PLCB4: variants seen among roughly 807,000 people sequenced by gnomAD.
The protein encoded by PLCB4 is 1-phosphatidylinositol 4,5-bisphosphate phosphodiesterase beta-4.
In PLCB4, 77 loss-of-function variants were observed where a neutral mutation model predicts 178.8. That is an observed-to-expected ratio of 0.43 (90% CI 0.36 to 0.52). The LOEUF is 0.52. Among genes scored for constraint, PLCB4 ranks in the 20% least tolerant of loss-of-function variants. The pLI is 0.00. For missense variants in PLCB4, 1,024 were observed against 1,453.4 expected (o/e 0.70, Z 4.80); for synonymous variants, 496 against 490.8 (o/e 1.01, Z -0.14).
chr20:9,266,251 T>A (rs2094347931), intron 3 of PLCB4, among the ~76,000 whole-genome samples: 1 of 152,152 alleles, frequency 6.6e-6, no homozygotes, highest in Non-Finnish European at 1.5e-5. Context: ...AGAATCTGCT[T>A]TTTTTTGTTG....
chr20:9,388,697 G>A (rs2037885556), intron 15 of PLCB4, among the ~76,000 whole-genome samples: 1 of 152,148 alleles, frequency 6.6e-6, no homozygotes, highest in South Asian at 2.1e-4. Context: ...CAGCAACAGA[G>A]CGAGACTCTG....
intron 35 of PLCB4, 30 bp downstream of exon 35, chr20:9,459,840 A>T (rs748095506): frequency 6.7e-7 from 1 of 1,501,068 alleles, no homozygotes; most frequent in East Asian, 2.3e-5. Context: ...CAGAGTAAAC[A>T]TCTAATATTT....
chr20:9,376,074 C>T (rs1198137341), intron 12 of PLCB4, among the ~76,000 whole-genome samples: 1 of 151,910 alleles, frequency 6.6e-6, no homozygotes, highest in East Asian at 1.9e-4. Context: ...GTAGGGTGAC[C>T]TCCTCCCTAT....
chr20:9,074,251 G>T (rs1308506818), intron 1 of PLCB4, among the ~76,000 whole-genome samples: 1 of 152,170 alleles, frequency 6.6e-6, no homozygotes, highest in African/African-American at 2.4e-5. Flanking sequence ...CACTGTGAAT[G>T]ATACAGGGTA....
At chr20:9,397,087 T>C (rs546249030) in intron 19 of PLCB4, among the ~76,000 whole-genome samples, 1 of 152,332 alleles carries the variant, frequency 6.6e-6, no homozygotes, top group East Asian at 1.9e-4. Flanking sequence ...CTTTCAAAAT[T>C]GAAGCCAATC....
intron 1 of PLCB4, among the ~76,000 whole-genome samples, chr20:9,076,236 G>T (rs1346798724): frequency 6.6e-6 from 1 of 152,126 alleles, no homozygotes; most frequent in Non-Finnish European, 1.5e-5. Flanking sequence ...GGAGGCCGAG[G>T]TAGGTGGGTC....
At chr20:9,421,216 A>G (rs2148567463) in intron 26 of PLCB4, 81 bp from the exon 27 acceptor site, 2 of 1,104,562 alleles carry the variant, frequency 1.8e-6, no homozygotes, top group South Asian at 3.5e-5. Flanking sequence ...AAAAGACAGA[A>G]TTTCTTACTT....
intron 30 of PLCB4, among the ~76,000 whole-genome samples, chr20:9,438,163 G>A (rs2041890882): frequency 6.6e-6 from 1 of 151,942 alleles, no homozygotes; most frequent in Non-Finnish European, 1.5e-5. Context: ...TCAGGAGATC[G>A]AGACCATCCT....
chr20:9,274,295 C>G (rs1296417048), intron 3 of PLCB4, among the ~76,000 whole-genome samples: 2 of 152,018 alleles, frequency 1.3e-5, no homozygotes, highest in African/African-American at 4.8e-5. Flanking sequence ...CTTGAGTTTA[C>G]ACTACTTGTG....
intron 38 of PLCB4, among the ~76,000 whole-genome samples, chr20:9,476,067 C>G (rs2044521136): frequency 6.6e-6 from 1 of 152,168 alleles, no homozygotes. Context: ...ATCGGTGTCC[C>G]AAATCTCCCC....
chr20:9,301,065 T>C lies in PLCB4; in HGVS notation c.-15-6735T>C, dbSNP rs1472406116. Among the ~76,000 whole-genome samples the C allele has an allele frequency of 3.3e-5, 5 of 151,582 alleles. No homozygotes were observed. In the South Asian group the frequency reaches 1.0e-3, roughly 32 times the overall value. ...TGGCTACATCACTCTAATCTCTGCC[T>C]CCGTAGTCGCATTTCCTCCTCCTCT... On this transcript the variant is annotated intron_variant, in intron 3 of 39. Coordinates refer to ENST00000378473, the MANE Select transcript of PLCB4 (RefSeq NM_001377142.1).
intron 7 of PLCB4, among the ~76,000 whole-genome samples, chr20:9,355,967 T>G (rs1486155346): frequency 6.6e-6 from 1 of 152,208 alleles, no homozygotes; most frequent in Non-Finnish European, 1.5e-5. Flanking sequence ...TGTTGTTTCC[T>G]GACTGTTTAA....
chr20:9,468,550 T>C, intron 35 of PLCB4, 21 bp from the exon 36 acceptor site: 1 of 1,478,364 alleles, frequency 6.8e-7, no homozygotes, highest in Non-Finnish European at 9.5e-7. Flanking sequence ...CCCTGTTTGT[T>C]TTCTTGTTTT....
Position 9,478,960 on chromosome 20 carries a change from A to T in PLCB4, c.3572A>T (p.Asp1191Val). ...DAADGEIGSRDGPQTSNSSMK... is the reference protein window; with the variant it reads ...DAADGEIGSRVGPQTSNSSMK... ...GCAGATGGTGAAATTGGAAGCCGAG[A>T]TGGACCGCAGACCAGCAACAGTAGT... Residue 1191 changes from aspartate to valine, a missense_variant, in exon 40 of 40, where the codon GAT becomes GTT. Asp to Val is a radical substitution (Grantham distance 152). Coordinates refer to ENST00000378473, the MANE Select transcript of PLCB4 (RefSeq NM_001377142.1). 2 of 1,613,778 alleles carry T rather than the reference A, an allele frequency of 1.2e-6. No individual in the cohort carries two copies. Among genetic ancestry groups the T allele is most frequent in the Non-Finnish European group, 1.7e-6 (2 of 1,179,722 alleles).
intron 2 of PLCB4, among the ~76,000 whole-genome samples, chr20:9,193,811 A>C (rs545470133): frequency 1.3e-5 from 2 of 152,302 alleles, no homozygotes; most frequent in Non-Finnish European, 2.9e-5. Flanking sequence ...ACTTTCAGAG[A>C]GTATTTGGCT....
chr20:9,467,313 G>A (rs1603046095), intron 35 of PLCB4, among the ~76,000 whole-genome samples: 1 of 152,148 alleles, frequency 6.6e-6, no homozygotes, highest in East Asian at 1.9e-4. Flanking sequence ...AGCATTAGGA[G>A]AAATGTCTAA....
At chr20:9,086,890 A>G (rs751249258) in intron 1 of PLCB4, among the ~76,000 whole-genome samples, 7 of 152,128 alleles carry the variant, frequency 4.6e-5, no homozygotes, top group Non-Finnish European at 8.8e-5. Context: ...GGCTTCTAGA[A>G]CTATTTCTTT....
intron 30 of PLCB4, among the ~76,000 whole-genome samples, chr20:9,438,096 G>A (rs2041884718): frequency 1.3e-5 from 2 of 152,114 alleles, no homozygotes; most frequent in Admixed American, 1.3e-4. Context: ...GCCAGGTGCA[G>A]TGGCTCATGC....
chr20:9,386,492 C>T (rs2037674539), intron 14 of PLCB4, among the ~76,000 whole-genome samples: 1 of 150,728 alleles, frequency 6.6e-6, no homozygotes, highest in Non-Finnish European at 1.5e-5. Flanking sequence ...TTTTTTAATT[C>T]ATTTTTTTTT....
Sources: allele counts gnomAD v4.1 joint callset (sites outside exome capture counted in the v4.1 genomes callset), GRCh38; gene constraint gnomAD v4.1.1; transcripts MANE v1.5; gene names NCBI Gene and HGNC (gene_info 2026-07-23, HGNC 2026-07-21).